Variants in PDGFD observed in about 807,000 individuals in gnomAD.
PDGFD encodes the protein platelet derived growth factor D.
Under a neutral mutation model 44.7 loss-of-function variants are expected in PDGFD, and 30 were observed. The ratio of observed to expected loss-of-function variants is 0.67; its 90% confidence interval spans 0.50 to 0.91. The LOEUF is 0.91. PDGFD is among the 40% of genes least tolerant of loss of function. PDGFD has a pLI of 0.00. For synonymous variants in PDGFD, 173 were observed against 168.4 expected (o/e 1.03, Z -0.21); for missense variants, 445 against 457.8 (o/e 0.97, Z 0.25).
intron 1 of PDGFD, among the ~76,000 whole-genome samples, chr11:104,134,497 G>C (rs1861972343): frequency 6.6e-6 from 1 of 152,106 alleles, no homozygotes; most frequent in Non-Finnish European, 1.5e-5. Context: ...AGAAACAACT[G>C]GGTATGAAGA....
At chr11:103,972,205 G>T (rs558834239) in intron 3 of PDGFD, among the ~76,000 whole-genome samples, 16 of 152,294 alleles carry the variant, frequency 1.1e-4, no homozygotes, top group Non-Finnish European at 1.6e-4. Context: ...TGCTAGAGTT[G>T]GGGATGGGTG....
intron 1 of PDGFD, among the ~76,000 whole-genome samples, chr11:104,004,282 C>G (rs536369850): frequency 6.6e-5 from 10 of 152,234 alleles, no homozygotes; most frequent in African/African-American, 2.4e-4. Context: ...TTCATGGATT[C>G]ATCAACATCA....
intron 6 of PDGFD, among the ~76,000 whole-genome samples, chr11:103,918,795 T>C (rs1223933269): frequency 6.6e-6 from 1 of 152,122 alleles, no homozygotes; most frequent in East Asian, 1.9e-4. Flanking sequence ...GTAATAGTCT[T>C]AGGTTCAGGT....
intron 1 of PDGFD, among the ~76,000 whole-genome samples, chr11:104,145,435 TTTA>T (rs1461882749): frequency 6.6e-6 from 1 of 152,334 alleles, no homozygotes; most frequent in Admixed American, 6.5e-5. Flanking sequence ...TTTATTTAAG[TTTA>T]ACACATGTAA....
intron 1 of PDGFD, chr11:104,037,666 G>A (rs1860273959): frequency 6.2e-7 from 1 of 1,614,080 alleles, no homozygotes; most frequent in Non-Finnish European, 8.5e-7. Context: ...CATGAGGCTG[G>A]TGGACCGACG....
intron 1 of PDGFD, among the ~76,000 whole-genome samples, chr11:104,058,530 G>A (rs1738585999): frequency 6.6e-6 from 1 of 152,176 alleles, no homozygotes; most frequent in South Asian, 2.1e-4. Flanking sequence ...TAAAGATCTG[G>A]AACTCTCATG....
intron 1 of PDGFD, among the ~76,000 whole-genome samples, chr11:104,136,040 G>C (rs1046612825): frequency 3.9e-5 from 6 of 152,144 alleles, no homozygotes; most frequent in African/African-American, 1.4e-4. Flanking sequence ...CCAGGGAACA[G>C]GTGAGATGGG....
chr11:103,962,608 T>C (rs1324369201), intron 3 of PDGFD, among the ~76,000 whole-genome samples: 1 of 152,210 alleles, frequency 6.6e-6, no homozygotes, highest in Admixed American at 6.5e-5. Context: ...CTGTTTTGGA[T>C]GGTAGAAAAG....
At chr11:104,126,815 T>C (rs1470716956) in intron 1 of PDGFD, among the ~76,000 whole-genome samples, 1 of 151,710 alleles carries the variant, frequency 6.6e-6, no homozygotes, top group Non-Finnish European at 1.5e-5. Flanking sequence ...CAAGTAAAAA[T>C]AGTTAATACA....
chr11:103,964,831 G>T (rs881365), intron 3 of PDGFD, among the ~76,000 whole-genome samples: 17,433 of 151,814 alleles, frequency 0.11, 1,022 homozygotes, highest in African/African-American at 0.16. Context: ...ACTTCAAAAG[G>T]CATCAAAATA....
chr11:104,100,912 T>G (rs995662349), intron 1 of PDGFD, among the ~76,000 whole-genome samples: 1 of 152,166 alleles, frequency 6.6e-6, no homozygotes, highest in Non-Finnish European at 1.5e-5. Context: ...CCCTTCATGC[T>G]AAAAACTCTC....
intron 1 of PDGFD, among the ~76,000 whole-genome samples, chr11:104,017,673 T>C (rs1273339982): frequency 6.6e-6 from 1 of 152,186 alleles, no homozygotes; most frequent in Non-Finnish European, 1.5e-5. Context: ...TGTGGGATTA[T>C]TTGTGGGTGT....
intron 1 of PDGFD, among the ~76,000 whole-genome samples, chr11:104,138,750 T>C (rs76733524): frequency 0.014 from 2,178 of 152,306 alleles, 32 homozygotes; most frequent in Middle Eastern, 0.037. Flanking sequence ...GTATTAAACA[T>C]AGGGTACAGT....
At position 104,051,806 on chromosome 11, in the gene PDGFD, CTTTT is replaced by C. The variant is rs373050828; in HGVS notation, c.125-51555_125-51552del. On this transcript the variant is annotated intron_variant, in intron 1 of 6. Coordinates refer to ENST00000393158, the MANE Select transcript of PDGFD (RefSeq NM_025208.5). ...AAAACATATACAATTAACCACTGTG[CTTTT>C]TTTGACTTAAAAAATAAAAAAAAAT... Among the ~76,000 whole-genome samples the C allele has an allele frequency of 4.5e-3, 689 of 151,952 alleles. 8 individuals are homozygous for C. The highest frequency in any genetic ancestry group is 0.016 in the African/African-American group (656 of 41,464).
At chr11:104,161,416 A>C (rs1352942441) in intron 1 of PDGFD, among the ~76,000 whole-genome samples, 2 of 152,192 alleles carry the variant, frequency 1.3e-5, no homozygotes, top group African/African-American at 4.8e-5. Context: ...GTTTTAATTT[A>C]ATAAGTTATA....
chr11:104,133,161 G>C (rs755992811), intron 1 of PDGFD, among the ~76,000 whole-genome samples: 1 of 151,964 alleles, frequency 6.6e-6, no homozygotes, highest in African/African-American at 2.4e-5. Flanking sequence ...CAGTACTTTG[G>C]TACTCAAATA....
intron 1 of PDGFD, among the ~76,000 whole-genome samples, chr11:104,044,105 G>C (rs1443738004): frequency 1.3e-5 from 2 of 152,138 alleles, no homozygotes; most frequent in Non-Finnish European, 2.9e-5. Flanking sequence ...TTTAATTCCA[G>C]GGAATAACAG....
intron 1 of PDGFD, among the ~76,000 whole-genome samples, chr11:104,146,836 A>G (rs1388111545): frequency 6.6e-6 from 1 of 152,200 alleles, no homozygotes. Flanking sequence ...AGAGGGGAAT[A>G]AAAGAGACAT....
intron 1 of PDGFD, among the ~76,000 whole-genome samples, chr11:104,087,248 T>G (rs1269403485): frequency 6.8e-6 from 1 of 146,552 alleles, no homozygotes; most frequent in Non-Finnish European, 1.5e-5. Flanking sequence ...TAGGCTGAAG[T>G]GCAGTGGTGC....
Sources: gnomAD v4.1 joint callset for allele counts (sites outside exome capture counted in the v4.1 genomes callset) on GRCh38, gnomAD v4.1.1 for gene constraint, MANE v1.5 for transcripts, NCBI Gene and HGNC (gene_info 2026-07-23, HGNC 2026-07-21) for gene names.